BCAS4: variants seen among roughly 807,000 people sequenced by gnomAD.
BCAS4 encodes breast carcinoma amplified sequence 4.
Under a neutral mutation model 15.7 loss-of-function variants are expected in BCAS4, and 9 were observed. The observed-to-expected ratio is 0.57, with a 90% CI of 0.34 to 1.00. The LOEUF is 1.00. Ranked by LOEUF, BCAS4 falls within the 50% of genes least tolerant of loss-of-function variation. The pLI, the probability that BCAS4 is intolerant of heterozygous loss-of-function variation, is 0.02. For synonymous variants in BCAS4, 101 were observed against 99.5 expected, an observed-to-expected ratio of 1.02 and a Z score of -0.09; for missense variants, 225 against 239.1, an observed-to-expected ratio of 0.94 and a Z score of 0.39.
chr20:50,817,924 CGTGGAGGATACGG>C (rs2088160477), intron 1 of BCAS4, among the ~76,000 whole-genome samples: 2 of 151,962 alleles, frequency 1.3e-5, no homozygotes. Flanking sequence ...ATCTGTACAA[CGTGGAGGATACGG>C]GTAGCTTTGT....
rs552068211 is a variant in BCAS4 at position 50,867,543 on chromosome 20, A to G, written c.400-8943A>G. On this transcript the variant is annotated intron_variant, in intron 4 of 4. Transcript: ENST00000371608. ...TTTGGGTTTTGGGTTTTGTCTGTAG[A>G]GATGGGGTCTCCCTGTGTTGCCCAG... Among the ~76,000 whole-genome samples the G allele has an allele frequency of 2.5e-3, 387 of 152,190 alleles. 3 individuals carry two copies. The highest frequency in any genetic ancestry group is 0.02 in the Middle Eastern group (6 of 294).
chr20:50,813,416 A>C (rs2088096450), intron 1 of BCAS4, among the ~76,000 whole-genome samples: 1 of 152,246 alleles, frequency 6.6e-6, no homozygotes, highest in African/African-American at 2.4e-5. Context: ...AGCTGGGACC[A>C]GCGAGCAGGC....
intron 1 of BCAS4, among the ~76,000 whole-genome samples, chr20:50,810,633 C>T (rs2088049825): frequency 6.6e-6 from 1 of 150,892 alleles, no homozygotes; most frequent in Non-Finnish European, 1.5e-5. Flanking sequence ...CTCTGTCGCC[C>T]AGGCTGGAGT....
intron 4 of BCAS4, among the ~76,000 whole-genome samples, chr20:50,859,606 C>G (rs1420587583): frequency 6.6e-6 from 1 of 150,648 alleles, no homozygotes; most frequent in Non-Finnish European, 1.5e-5. Flanking sequence ...GCTCTGAGAC[C>G]TGCTCAGCCC....
chr20:50,866,966 GTCACTGAGGTTGAAT>G (rs1160122145), intron 4 of BCAS4, among the ~76,000 whole-genome samples: 1 of 152,194 alleles, frequency 6.6e-6, no homozygotes, highest in Admixed American at 6.5e-5. Context: ...TCCGTTCTCG[GTCACTGAGGTTGAAT>G]TAAGAGAGGC....
At chr20:50,840,811 G>A (rs1406320388) in intron 3 of BCAS4, 10 of 1,109,782 alleles carry the variant, frequency 9.0e-6, no homozygotes, top group Non-Finnish European at 1.4e-5. Flanking sequence ...CTGCGTAGTG[G>A]CCACCACTGA....
At chr20:50,835,954 G>A (rs2088403664) in intron 3 of BCAS4, among the ~76,000 whole-genome samples, 1 of 150,904 alleles carries the variant, frequency 6.6e-6, no homozygotes, top group Non-Finnish European at 1.5e-5. Flanking sequence ...GTATCGCTCT[G>A]TCGCCCAGGC....
chr20:50,803,407 G>T (rs2087952247), intron 1 of BCAS4, among the ~76,000 whole-genome samples: 1 of 152,152 alleles, frequency 6.6e-6, no homozygotes, highest in Non-Finnish European at 1.5e-5. Context: ...GCAAAAATAT[G>T]TATTTTCATG....
At chr20:50,795,209 T>G in intron 1 of BCAS4, 36 bp downstream of exon 1, 1 of 1,351,770 alleles carries the variant, frequency 7.4e-7, no homozygotes, top group Non-Finnish European at 9.6e-7. Context: ...AGGAGAGGGT[T>G]CTCGCGGTTA....
chr20:50,798,121 C>T (rs1453033412), intron 1 of BCAS4, among the ~76,000 whole-genome samples: 1 of 151,752 alleles, frequency 6.6e-6, no homozygotes, highest in African/African-American at 2.4e-5. Flanking sequence ...CATGGTGGAA[C>T]CCTGTCTCTA....
chr20:50,800,119 C>A (rs1385461120), intron 1 of BCAS4, among the ~76,000 whole-genome samples: 1 of 152,014 alleles, frequency 6.6e-6, no homozygotes, highest in Non-Finnish European at 1.5e-5. Flanking sequence ...CAGACATGGG[C>A]GGATGTGAGA....
intron 1 of BCAS4, among the ~76,000 whole-genome samples, chr20:50,797,854 A>C (rs1025675798): frequency 6.6e-6 from 1 of 151,886 alleles, no homozygotes; most frequent in East Asian, 2.0e-4. Flanking sequence ...TAGTAGAGAC[A>C]GGGTTCCTCC....
chr20:50,817,245 C>A (rs2088151207), intron 1 of BCAS4, among the ~76,000 whole-genome samples: 1 of 152,102 alleles, frequency 6.6e-6, no homozygotes, highest in African/African-American at 2.4e-5. Flanking sequence ...GCCATGGACC[C>A]TTTACATAAC....
intron 4 of BCAS4, among the ~76,000 whole-genome samples, chr20:50,869,742 CT>C (rs55685532): frequency 0.15 from 11,693 of 77,312 alleles, 436 homozygotes; most frequent in African/African-American, 0.33. Context: ...CCTGGCACTG[CT>C]TTTTTTTTTT....
chr20:50,810,590 T>G (rs1182431250), intron 1 of BCAS4, among the ~76,000 whole-genome samples: 2 of 56,058 alleles, frequency 3.6e-5, no homozygotes, highest in Non-Finnish European at 3.2e-5. Context: ...TTTTTTTGTG[T>G]TTTTTTTTTT....
chr20:50,812,294 G>A (rs185711702), intron 1 of BCAS4, among the ~76,000 whole-genome samples: 100 of 151,778 alleles, frequency 6.6e-4, no homozygotes, highest in African/African-American at 2.3e-3. Context: ...TACCACGCCC[G>A]GCTAATTTTT....
intron 4 of BCAS4, among the ~76,000 whole-genome samples, chr20:50,874,862 G>C (rs752165908): frequency 6.6e-6 from 1 of 152,232 alleles, no homozygotes; most frequent in Non-Finnish European, 1.5e-5. Context: ...GCTTTCAGCT[G>C]TAGCCAGAAC....
At chr20:50,834,620 G>A (rs1053483181) in intron 3 of BCAS4, among the ~76,000 whole-genome samples, 1 of 152,126 alleles carries the variant, frequency 6.6e-6, no homozygotes, top group Admixed American at 6.6e-5. Context: ...ATACCATTTG[G>A]AGGTGTGGGG....
At chr20:50,834,215 T>TTTGA (rs1346697658) in intron 3 of BCAS4, among the ~76,000 whole-genome samples, 1 of 152,142 alleles carries the variant, frequency 6.6e-6, no homozygotes, top group Non-Finnish European at 1.5e-5. Flanking sequence ...TTATTCTTTT[T>TTTGA]TTGATTCATT....
Sources: gnomAD v4.1 joint callset for allele counts (sites outside exome capture counted in the v4.1 genomes callset) on GRCh38, gnomAD v4.1.1 for gene constraint, MANE v1.5 for transcripts, NCBI Gene and HGNC (gene_info 2026-07-23, HGNC 2026-07-21) for gene names.